Variants in RNF130 observed in about 807,000 individuals in gnomAD.
RNF130 encodes the protein ring finger protein 130.
Under a neutral mutation model 44.6 loss-of-function variants are expected in RNF130, and 21 were observed. The ratio of observed to expected loss-of-function variants is 0.47; its 90% confidence interval spans 0.33 to 0.68. The LOEUF is 0.68. Among genes scored for constraint, RNF130 ranks in the 30% least tolerant of loss-of-function variants. The pLI, the probability that RNF130 is intolerant of heterozygous loss-of-function variation, is 0.02. For missense variants in RNF130, 479 were observed against 560.6 expected (o/e 0.85, Z 1.47); for synonymous variants, 214 against 210.4 (o/e 1.02, Z -0.15).
At chr5:180,041,581 G>A (rs1194264520) in intron 1 of RNF130, among the ~76,000 whole-genome samples, 1 of 152,162 alleles carries the variant, frequency 6.6e-6, no homozygotes, top group Non-Finnish European at 1.5e-5. Context: ...ATTTATAACA[G>A]GTTCAAATGA....
intron 7 of RNF130, among the ~76,000 whole-genome samples, chr5:179,940,382 A>G (rs1017782126): frequency 6.6e-6 from 1 of 151,736 alleles, no homozygotes; most frequent in African/African-American, 2.4e-5. Context: ...CACCACACCC[A>G]ACTAATTTTT....
exon 8 of RNF130, chr5:179,918,306 ACTT>A (rs1327071073): frequency 4.6e-5 from 7 of 152,310 alleles, no homozygotes; most frequent in East Asian, 1.9e-4. Flanking sequence ...TGAAATTTGT[ACTT>A]CTTCTCACGT....
rs1194860986 is a variant in RNF130 at position 179,977,538 on chromosome 5, A to C, written c.848+665T>G. On this transcript the variant is annotated intron_variant, in intron 5 of 8. Coordinates refer to ENST00000521389, the MANE Select transcript of RNF130 (RefSeq NM_018434.6). The surrounding 1 kb of genome is among the most constrained non-coding windows in gnomAD (Gnocchi z 4.1). ...CAGGAGTTCATGTTCAGCTGTGCGC[A>C]ACATAGTGAGAACCCCATCTTTAAA... Among the ~76,000 whole-genome samples, 4 of 152,206 alleles carry C rather than the reference A, an allele frequency of 2.6e-5. No homozygotes were observed. The highest frequency in any genetic ancestry group is 9.6e-5 in the African/African-American group (4 of 41,462).
intron 1 of RNF130, among the ~76,000 whole-genome samples, chr5:180,067,455 A>G (rs1765134371): frequency 6.6e-6 from 1 of 152,194 alleles, no homozygotes; most frequent in South Asian, 2.1e-4. Flanking sequence ...AATGTAGATA[A>G]CGTTTAGAGG....
At chr5:179,995,931 A>T (rs1435635157) in intron 3 of RNF130, among the ~76,000 whole-genome samples, 1 of 152,214 alleles carries the variant, frequency 6.6e-6, no homozygotes, top group African/African-American at 2.4e-5. Flanking sequence ...GGCATGCTGG[A>T]AAAGCCTCTA....
intron 2 of RNF130, among the ~76,000 whole-genome samples, chr5:180,038,921 T>G (rs1764340023): frequency 6.6e-6 from 1 of 152,214 alleles, no homozygotes; most frequent in Non-Finnish European, 1.5e-5. Context: ...TGAAGATAAG[T>G]TACATTAGGC....
At chr5:179,992,675 C>T (rs1763113091) in intron 3 of RNF130, among the ~76,000 whole-genome samples, 2 of 151,636 alleles carry the variant, frequency 1.3e-5, no homozygotes, top group Non-Finnish European at 1.5e-5. Flanking sequence ...AGTTGCTTGT[C>T]CTTATTTTTA....
intron 2 of RNF130, among the ~76,000 whole-genome samples, chr5:180,039,757 C>T (rs1764362082): frequency 6.6e-6 from 1 of 152,176 alleles, no homozygotes; most frequent in African/African-American, 2.4e-5. Context: ...TGGATTTCAA[C>T]TTAAGGAGAC....
intron 2 of RNF130, among the ~76,000 whole-genome samples, chr5:180,027,871 G>A (rs954119537): frequency 2.6e-5 from 4 of 152,228 alleles, no homozygotes; most frequent in African/African-American, 9.6e-5. Flanking sequence ...GCCCGGCTCT[G>A]TGGCTGCTGC....
intron 1 of RNF130, among the ~76,000 whole-genome samples, chr5:180,051,766 CCATGA>C (rs1296223761): frequency 6.6e-6 from 1 of 152,100 alleles, no homozygotes; most frequent in Non-Finnish European, 1.5e-5. Context: ...TGGATGTTCT[CCATGA>C]CATAATAAAA....
At chr5:179,962,671 A>G (rs1762360406) in intron 8 of RNF130, among the ~76,000 whole-genome samples, 1 of 152,170 alleles carries the variant, frequency 6.6e-6, no homozygotes, top group Non-Finnish European at 1.5e-5. Flanking sequence ...CCTTATCCCT[A>G]TGGAAAGCTA....
rs532390335 is a variant in RNF130, at chr5:179,961,300, G to A, written c.1244+2171C>T. Among the ~76,000 whole-genome samples, 22 of 152,184 alleles carry A rather than the reference G, an allele frequency of 1.4e-4. 1 individual carries two copies. The highest frequency in any genetic ancestry group is 3.9e-4 in the Admixed American group (6 of 15,294). ...AATGGGATCATGAATATTGTCCTTC[G>A]GTGGTTTTGACTGAAGGCACAGAAA... On this transcript the variant is annotated intron_variant, in intron 8 of 8. Transcript: ENST00000521389.
intron 5 of RNF130, among the ~76,000 whole-genome samples, chr5:179,971,559 C>T (rs1582151982): frequency 6.6e-6 from 1 of 152,094 alleles, no homozygotes; most frequent in Non-Finnish European, 1.5e-5. Flanking sequence ...TTAGTAGAGA[C>T]GGGGTTTCAC....
chr5:180,046,561 C>A (rs987026765), intron 1 of RNF130, among the ~76,000 whole-genome samples: 1 of 152,224 alleles, frequency 6.6e-6, no homozygotes, highest in Non-Finnish European at 1.5e-5. Context: ...GAAGTGATAG[C>A]CTCGGACAGT....
At chr5:180,045,337 T>C (rs1180667475) in intron 1 of RNF130, among the ~76,000 whole-genome samples, 3 of 152,182 alleles carry the variant, frequency 2.0e-5, no homozygotes, top group Non-Finnish European at 1.5e-5. Flanking sequence ...GTGTTACAGT[T>C]CTTAAAGATG....
chr5:180,041,667 G>A (rs1764421234), intron 1 of RNF130, among the ~76,000 whole-genome samples: 1 of 152,244 alleles, frequency 6.6e-6, no homozygotes, highest in South Asian at 2.1e-4. Flanking sequence ...CAGTGGCAGA[G>A]GGTGCCAGCC....
At chr5:179,983,692 CAAT>C (rs1302239920) in intron 3 of RNF130, among the ~76,000 whole-genome samples, 1 of 152,156 alleles carries the variant, frequency 6.6e-6, no homozygotes, top group Non-Finnish European at 1.5e-5. Flanking sequence ...CAGGGATTTA[CAAT>C]GAGATTGTGC....
At chr5:179,945,926 T>C (rs577833762) in intron 7 of RNF130, among the ~76,000 whole-genome samples, 3,882 of 133,578 alleles carry the variant, frequency 0.029, 193 homozygotes, top group African/African-American at 0.1. Context: ...GGGGCAGGGA[T>C]ATTTAAATGG....
chr5:180,025,720 C>T (rs1366062559), intron 2 of RNF130, among the ~76,000 whole-genome samples: 1 of 152,124 alleles, frequency 6.6e-6, no homozygotes, highest in Non-Finnish European at 1.5e-5. Context: ...AATTTAAACC[C>T]TTACTTCCTG....
Sources: allele counts gnomAD v4.1 joint callset (sites outside exome capture counted in the v4.1 genomes callset), GRCh38; gene constraint gnomAD v4.1.1; non-coding constraint Gnocchi (gnomAD v3.1); transcripts MANE v1.5; gene names NCBI Gene and HGNC (gene_info 2026-07-23, HGNC 2026-07-21).